CPQ: variants seen among roughly 807,000 people sequenced by gnomAD.
The protein encoded by CPQ is carboxypeptidase Q, also known as Ser-Met dipeptidase.
CPQ carries 37 observed loss-of-function variants against 45.7 expected under a neutral mutation model. That is an observed-to-expected ratio of 0.81 (90% CI 0.62 to 1.07). The LOEUF is 1.07. Ranked by LOEUF, CPQ falls within the 50% of genes least tolerant of loss-of-function variation. CPQ has a pLI of 0.00. For synonymous variants in CPQ, 186 were observed against 205.8 expected (o/e 0.90, Z 0.82); for missense variants, 537 against 572.9 (o/e 0.94, Z 0.64).
At chr8:96,918,891 A>C (rs1260091875) in intron 4 of CPQ, among the ~76,000 whole-genome samples, 2 of 152,048 alleles carry the variant, frequency 1.3e-5, no homozygotes, top group African/African-American at 4.8e-5. Flanking sequence ...ACTGCTTTCT[A>C]AAAAACTTTC....
chr8:96,879,970 G>A lies in CPQ; in HGVS notation c.814G>A (p.Val272Ile), dbSNP rs772251568. Residue 272 changes from valine to isoleucine, a missense_variant, in exon 4 of 8, where the codon GTA (valine) becomes ATA (isoleucine). Transcript: ENST00000220763. ...CCCAGATACTGATTCCTTCAACACT[G>A]TAGCAGAGATCACTGGGAGCAAATA... ...TYPDTDSFNT[V>I]AEITGSKYPE... The A allele has an allele frequency of 1.2e-6, 2 of 1,613,924 alleles. No homozygotes were observed. Among genetic ancestry groups the A allele is most frequent in the South Asian group, 2.2e-5 (2 of 91,082 alleles).
At chr8:96,912,702 G>T (rs942528159) in intron 4 of CPQ, among the ~76,000 whole-genome samples, 2 of 152,158 alleles carry the variant, frequency 1.3e-5, no homozygotes, top group Non-Finnish European at 2.9e-5. Context: ...GGTAGAGTCT[G>T]ACCTACCTCG....
intron 4 of CPQ, among the ~76,000 whole-genome samples, chr8:96,898,553 A>G (rs983956304): frequency 5.4e-5 from 8 of 147,246 alleles, no homozygotes; most frequent in Non-Finnish European, 1.0e-4. Flanking sequence ...CTTTGTTGTA[A>G]TACTGCTGTT....
In CPQ at chr8:97,046,484, C is replaced by G. The variant is rs114002497; in HGVS notation, c.1053+16990C>G. On this transcript the variant is annotated intron_variant, in intron 6 of 7. Transcript: ENST00000220763. ...AGCAAAACATGTATAAACAACAATTCAAATTTAGGGAGCTTAACAAGGCCT... is the reference window on the plus strand; with the variant it reads ...AGCAAAACATGTATAAACAACAATTGAAATTTAGGGAGCTTAACAAGGCCT... Among the ~76,000 whole-genome samples the G allele has an allele frequency of 5.5e-3, 839 of 152,214 alleles. 6 individuals are homozygous for G. Among genetic ancestry groups the G allele is most frequent in the African/African-American group, 0.019 (790 of 41,514 alleles).
At chr8:97,019,554 T>C (rs111820875) in intron 5 of CPQ, among the ~76,000 whole-genome samples, 4,255 of 152,206 alleles carry the variant, frequency 0.028, 125 homozygotes, top group African/African-American at 0.074. Context: ...CAAATGGACA[T>C]GAAAGTGAGC....
In CPQ at chr8:97,046,749, C is replaced by T. The variant is rs191294466; in HGVS notation, c.1053+17255C>T. Among the ~76,000 whole-genome samples, 53 of 152,302 alleles carry T rather than the reference C, an allele frequency of 3.5e-4. 1 individual carries two copies. The highest frequency in any genetic ancestry group is 1.2e-3 in the African/African-American group (51 of 41,578). On this transcript the variant is annotated intron_variant, in intron 6 of 7. Coordinates refer to ENST00000220763, the MANE Select transcript of CPQ (RefSeq NM_016134.4). ...GAGGGCTGGAAGAACGTACAGCATC[C>T]ACCTGCCCTCACTGCCATAGCTGGC...
intron 1 of CPQ, among the ~76,000 whole-genome samples, chr8:96,768,621 G>A (rs1586392881): frequency 2.0e-5 from 3 of 152,150 alleles, no homozygotes; most frequent in African/African-American, 7.2e-5. Flanking sequence ...GTAGCTAGAC[G>A]ATGTTTTCTT....
At chr8:96,854,530 CAAAAAAAA>C (rs1156706371) in intron 3 of CPQ, among the ~76,000 whole-genome samples, 1,927 of 8,712 alleles carry the variant, frequency 0.22, 308 homozygotes, top group African/African-American at 0.37. Flanking sequence ...GACTCCGTCT[CAAAAAAAA>C]AAAAAAAAAA....
At chr8:97,047,973 T>C (rs893087049) in intron 6 of CPQ, among the ~76,000 whole-genome samples, 2 of 152,194 alleles carry the variant, frequency 1.3e-5, no homozygotes, top group African/African-American at 4.8e-5. Context: ...TTCCCATGTG[T>C]ATAGAGCTTA....
chr8:96,896,145 G>A (rs1323894748), intron 4 of CPQ, among the ~76,000 whole-genome samples: 1 of 152,020 alleles, frequency 6.6e-6, no homozygotes, highest in Non-Finnish European at 1.5e-5. Flanking sequence ...ATCCTTCAGG[G>A]GATATTGTAC....
chr8:96,898,610 A>G (rs1812473042), intron 4 of CPQ, among the ~76,000 whole-genome samples: 1 of 118,578 alleles, frequency 8.4e-6, no homozygotes, highest in Non-Finnish European at 1.6e-5. Flanking sequence ...GGAATATCAC[A>G]CTCTGGGGAC....
chr8:96,717,022 TAA>T (rs1809683613), intron 1 of CPQ, among the ~76,000 whole-genome samples: 5 of 74,888 alleles, frequency 6.7e-5, no homozygotes, highest in African/African-American at 2.1e-4. Context: ...TTCCATGATA[TAA>T]ATATATATAT....
At chr8:96,973,446 G>C (rs1285933767) in intron 5 of CPQ, among the ~76,000 whole-genome samples, 1 of 152,154 alleles carries the variant, frequency 6.6e-6, no homozygotes, top group Non-Finnish European at 1.5e-5. Flanking sequence ...AAACATATTT[G>C]TTAGAATCAT....
intron 3 of CPQ, among the ~76,000 whole-genome samples, chr8:96,840,500 C>A (rs547112323): frequency 2.0e-5 from 3 of 152,142 alleles, no homozygotes; most frequent in Non-Finnish European, 4.4e-5. Flanking sequence ...CCACCTAATA[C>A]CCGTTGTATC....
Position 96,751,542 on chromosome 8 carries a change from C to T in CPQ, c.-34-33322C>T, listed in dbSNP as rs188753129. 3.3e-3 allele frequency among the ~76,000 whole-genome samples: 505 copies of T among 152,144 alleles called. 7 individuals are homozygous for T. The highest frequency in any genetic ancestry group is 0.012 in the African/African-American group (480 of 41,534). On this transcript the variant is annotated intron_variant, in intron 1 of 7. Transcript: ENST00000220763. ...TTTGTAGATTCTAGATATTAGACCTCTCTCAGATTATTAGATTGCAAACAT... is the reference window on the plus strand; with the variant it reads ...TTTGTAGATTCTAGATATTAGACCTTTCTCAGATTATTAGATTGCAAACAT...
intron 4 of CPQ, among the ~76,000 whole-genome samples, chr8:96,897,890 T>A (rs947768230): frequency 4.6e-5 from 7 of 152,112 alleles, no homozygotes; most frequent in African/African-American, 1.4e-4. Flanking sequence ...CCCTTTTAAT[T>A]TGCATACCAT....
intron 1 of CPQ, among the ~76,000 whole-genome samples, chr8:96,741,535 G>C (rs190593978): frequency 3.1e-4 from 47 of 151,948 alleles, no homozygotes; most frequent in African/African-American, 1.1e-3. Flanking sequence ...TGTGTTTGTT[G>C]TTGCTTTTCT....
At chr8:96,762,572 A>G (rs535219113) in intron 1 of CPQ, among the ~76,000 whole-genome samples, 42 of 152,310 alleles carry the variant, frequency 2.8e-4, no homozygotes, top group African/African-American at 9.4e-4. Flanking sequence ...CTTAGGGGCT[A>G]CAGAGGGACA....
intron 2 of CPQ, among the ~76,000 whole-genome samples, chr8:96,819,675 A>T (rs1811276078): frequency 6.6e-6 from 1 of 152,016 alleles, no homozygotes; most frequent in African/African-American, 2.4e-5. Flanking sequence ...TTGTTCTTTC[A>T]CCTGCAGAAA....
Sources: gnomAD v4.1 joint callset for allele counts (sites outside exome capture counted in the v4.1 genomes callset) on GRCh38, gnomAD v4.1.1 for gene constraint, MANE v1.5 for transcripts, NCBI Gene and HGNC (gene_info 2026-07-23, HGNC 2026-07-21) for gene names.